Variants in L3MBTL3 observed in about 807,000 individuals in gnomAD.
L3MBTL3 encodes the protein L3MBTL histone methyl-lysine binding protein 3.
Under a neutral mutation model 102.3 loss-of-function variants are expected in L3MBTL3, and 27 were observed. That is an observed-to-expected ratio of 0.26 (90% CI 0.19 to 0.36). L3MBTL3 has a LOEUF of 0.36. Among genes scored for constraint, L3MBTL3 ranks in the 10% least tolerant of loss-of-function variants. L3MBTL3 has a pLI of 1.00. For missense variants in L3MBTL3, 798 were observed against 955.3 expected (o/e 0.84, Z 2.17); for synonymous variants, 340 against 320.9 (o/e 1.06, Z -0.64).
At chr6:130,044,764 A>G (rs1455538911) in intron 3 of L3MBTL3, among the ~76,000 whole-genome samples, 1 of 152,174 alleles carries the variant, frequency 6.6e-6, no homozygotes, top group African/African-American at 2.4e-5. Flanking sequence ...AATTGATTAT[A>G]TCACTGAAGA....
At chr6:130,093,338 G>A (rs989239555) in intron 17 of L3MBTL3, among the ~76,000 whole-genome samples, 4 of 152,120 alleles carry the variant, frequency 2.6e-5, no homozygotes, top group Admixed American at 1.3e-4. Context: ...GAAAAGGTAC[G>A]TGGAGAACTT....
At chr6:130,020,838 C>A (rs1778959333) in intron 1 of L3MBTL3, among the ~76,000 whole-genome samples, 1 of 151,682 alleles carries the variant, frequency 6.6e-6, no homozygotes, top group Non-Finnish European at 1.5e-5. Flanking sequence ...CGCCCCCACC[C>A]CCAACGCCTC....
chr6:130,057,395 T>C lies in L3MBTL3; in HGVS notation c.668-11T>C. ...GGAAATTCTGTCATTTCCGTCTTGC[T>C]TGCCTTTCAGGTTTGCCTCCTAAAG... is the stretch of plus-strand genomic sequence containing the variant. On this transcript the variant is annotated splice_polypyrimidine_tract_variant and intron_variant, in intron 8 of 22. Transcript: ENST00000361794. 6.3e-7 allele frequency: 1 copy of C among 1,599,334 alleles called. No individual in the cohort carries two copies. The highest frequency in any genetic ancestry group is 8.5e-7 in the Non-Finnish European group (1 of 1,173,252).
At chr6:130,065,971 G>C (rs1397068435) in intron 10 of L3MBTL3, among the ~76,000 whole-genome samples, 1 of 152,144 alleles carries the variant, frequency 6.6e-6, no homozygotes, top group African/African-American at 2.4e-5. Flanking sequence ...AGGGCAGACT[G>C]TCCACTCTGG....
intron 20 of L3MBTL3, among the ~76,000 whole-genome samples, chr6:130,130,419 T>C (rs1786928098): frequency 6.6e-6 from 1 of 152,206 alleles, no homozygotes; most frequent in African/African-American, 2.4e-5. Context: ...AAGTCAGCCC[T>C]ATGGTATTAC....
chr6:130,049,765 C>T lies in L3MBTL3; in HGVS notation c.224C>T (p.Ser75Phe). The part of the protein sequence containing the change: ...MVPTAQEAPT[S>F]PPSSRPVFPP... The stretch of plus-strand genomic sequence containing the variant: ...AAATCTACATCTCCAGCCCCGACCT[C>T]TCCCCCGAGCTCCAGGCCCGTATTT... Residue 75 changes from serine to phenylalanine, a missense_variant, in exon 5 of 23, where the codon TCT becomes TTT. Ser to Phe is a radical substitution (Grantham distance 155). Coordinates refer to ENST00000361794, the MANE Select transcript of L3MBTL3 (RefSeq NM_032438.4). The T allele has an allele frequency of 6.2e-7, 1 of 1,614,140 alleles. No homozygotes were observed. The highest frequency in any genetic ancestry group is 8.5e-7 in the Non-Finnish European group (1 of 1,179,984).
At chr6:130,073,837 T>C (rs560715973) in intron 13 of L3MBTL3, among the ~76,000 whole-genome samples, 1 of 152,312 alleles carries the variant, frequency 6.6e-6, no homozygotes, top group Admixed American at 6.5e-5. Flanking sequence ...TGTGCTTTTA[T>C]GAGCACAAAC....
intron 2 of L3MBTL3, among the ~76,000 whole-genome samples, chr6:130,024,842 G>A (rs193061476): frequency 6.6e-6 from 1 of 152,230 alleles, no homozygotes; most frequent in Admixed American, 6.5e-5. Context: ...TATAACAGTT[G>A]CACATGGTAC....
intron 2 of L3MBTL3, among the ~76,000 whole-genome samples, chr6:130,023,633 C>T (rs1466397514): frequency 6.6e-6 from 1 of 152,162 alleles, no homozygotes; most frequent in Non-Finnish European, 1.5e-5. Context: ...AGAGCGGGAA[C>T]AGCAATACTT....
intron 3 of L3MBTL3, among the ~76,000 whole-genome samples, chr6:130,043,696 C>G (rs1221706262): frequency 6.6e-6 from 1 of 152,160 alleles, no homozygotes; most frequent in Non-Finnish European, 1.5e-5. Context: ...AATAGAAATT[C>G]TTGCTCCATT....
intron 19 of L3MBTL3, among the ~76,000 whole-genome samples, chr6:130,119,175 TATC>T (rs1785945230): frequency 6.6e-6 from 1 of 152,024 alleles, no homozygotes; most frequent in Admixed American, 6.6e-5. Context: ...AAAAAAAAAA[TATC>T]AACTACTCAT....
At chr6:130,112,247 C>A (rs1785397765) in intron 19 of L3MBTL3, among the ~76,000 whole-genome samples, 1 of 152,182 alleles carries the variant, frequency 6.6e-6, no homozygotes, top group African/African-American at 2.4e-5. Context: ...CATGTCTTTT[C>A]TTACTCTCCG....
chr6:130,129,534 C>T (rs979287202), intron 20 of L3MBTL3, among the ~76,000 whole-genome samples: 2 of 152,132 alleles, frequency 1.3e-5, no homozygotes, highest in African/African-American at 4.8e-5. Context: ...TATTCGCAGT[C>T]AGCCTAAAAT....
At chr6:130,051,677 G>A (rs911453603) in intron 6 of L3MBTL3, among the ~76,000 whole-genome samples, 26 of 152,142 alleles carry the variant, frequency 1.7e-4, no homozygotes, top group Admixed American at 2.0e-4. Flanking sequence ...TCATTTGATT[G>A]TCTTCAGCTA....
At chr6:130,025,387 A>C (rs1180764734) in intron 2 of L3MBTL3, among the ~76,000 whole-genome samples, 1 of 152,164 alleles carries the variant, frequency 6.6e-6, no homozygotes, top group African/African-American at 2.4e-5. Context: ...TGTGGATGTA[A>C]GTCAATAGTG....
Position 130,026,209 on chromosome 6 carries a change from C to T in L3MBTL3, c.-16+3904C>T, listed in dbSNP as rs75325477. Among the ~76,000 whole-genome samples, 1,215 of 152,064 alleles carry T rather than the reference C, an allele frequency of 8.0e-3. 11 individuals carry two copies. Among genetic ancestry groups the T allele is most frequent in the African/African-American group, 0.028 (1,150 of 41,496 alleles). ...GATGCTTTATATTTATTTATTCATCCAAAAAATACTTTGAGTGCTTTCTGT... is the reference window on the plus strand; with the variant it reads ...GATGCTTTATATTTATTTATTCATCTAAAAAATACTTTGAGTGCTTTCTGT... On this transcript the variant is annotated intron_variant, in intron 2 of 22. Transcript: ENST00000361794.
chr6:130,056,341 T>C (rs1420545094), intron 8 of L3MBTL3, among the ~76,000 whole-genome samples: 1 of 152,212 alleles, frequency 6.6e-6, no homozygotes, highest in Non-Finnish European at 1.5e-5. Flanking sequence ...GCTTATTCTG[T>C]GTGGACCTTG....
chr6:130,086,034 T>C (rs1783662644), intron 15 of L3MBTL3, 106 bp from the exon 16 acceptor site: 1 of 743,020 alleles, frequency 1.3e-6, no homozygotes, highest in African/African-American at 1.8e-5. Context: ...ATTACAGGTG[T>C]GAGCCACCGC....
intron 15 of L3MBTL3, among the ~76,000 whole-genome samples, chr6:130,084,245 T>G (rs1174335641): frequency 2.0e-5 from 3 of 152,208 alleles, no homozygotes; most frequent in Non-Finnish European, 2.9e-5. Flanking sequence ...GAACCTCATT[T>G]CTATGCAAGG....
Sources: gnomAD v4.1 joint callset for allele counts (sites outside exome capture counted in the v4.1 genomes callset) on GRCh38, gnomAD v4.1.1 for gene constraint, MANE v1.5 for transcripts, NCBI Gene and HGNC (gene_info 2026-07-23, HGNC 2026-07-21) for gene names.